The following GNAL variants were observed in gnomAD, a reference collection of about 807,000 sequenced individuals.
The protein encoded by GNAL is G protein subunit alpha L.
GNAL carries 18 observed loss-of-function variants against 55.1 expected under a neutral mutation model. That is an observed-to-expected ratio of 0.33 (90% confidence interval 0.23 to 0.48). The LOEUF (loss-of-function observed/expected upper bound fraction) is 0.48, where lower values mean the gene tolerates loss of function less well. GNAL is among the 20% of genes least tolerant of loss of function. GNAL has a pLI of 0.99. For missense variants in GNAL, 412 were observed against 614.1 expected (o/e 0.67, Z 3.48); for synonymous variants, 253 against 237.0 (o/e 1.07, Z -0.62).
In GNAL at chr18:11,751,078, C is replaced by T. The variant is rs1156754761; in HGVS notation, c.377-1775C>T. Among the ~76,000 whole-genome samples, 1 of 152,100 alleles carries T rather than the reference C, an allele frequency of 6.6e-6. No homozygotes were observed. Among genetic ancestry groups the T allele is most frequent in the African/African-American group, 2.4e-5 (1 of 41,416 alleles). On this transcript the variant is annotated intron_variant, in intron 1 of 11. Transcript: ENST00000334049. This position sits in a 1 kb window ranked among gnomAD's most constrained non-coding sequence, Gnocchi z 4.5. The stretch of plus-strand genomic sequence containing the variant: ...GTAGGTTTCTTGGAAGGTGGAGGCA[C>T]TCGACGACAGAGCTGAGCAAAGGCA...
At position 11,868,678 on chromosome 18, in the gene GNAL, A is replaced by G; in HGVS notation, c.1031+15A>G. ...TGGAACAACAGGTGACAAAAATAGC[A>G]AATTCAGTCTTACCATTGGATTGCA... On this transcript the variant is annotated intron_variant, in intron 9 of 11. Transcript: ENST00000334049. This position sits in a 1 kb window ranked among gnomAD's most constrained non-coding sequence, Gnocchi z 4.0. The G allele has an allele frequency of 6.3e-7, 1 of 1,599,192 alleles. No individual in the cohort carries two copies. Among genetic ancestry groups the G allele is most frequent in the Non-Finnish European group, 8.5e-7 (1 of 1,174,474 alleles).
At chr18:11,692,753 CA>C (rs1294682694) in intron 1 of GNAL, among the ~76,000 whole-genome samples, 11 of 151,366 alleles carry the variant, frequency 7.3e-5, no homozygotes, top group African/African-American at 2.7e-4. Context: ...CCCATCTCTA[CA>C]AAAAAATACG....
chr18:11,869,558 C>T lies in GNAL; in HGVS notation c.1031+895C>T, dbSNP rs147374437. On this transcript the variant is annotated intron_variant, in intron 9 of 11. Transcript: ENST00000334049. Reference sequence around the variant, plus strand: ...TCCATATCTTCAGGTTCCACATCTGCGGATTCAACCAACCACAGATTGAAA... The same window carrying T: ...TCCATATCTTCAGGTTCCACATCTGTGGATTCAACCAACCACAGATTGAAA... Among the ~76,000 whole-genome samples the T allele has an allele frequency of 3.5e-3, 531 of 152,274 alleles. 5 individuals are homozygous for T. The highest frequency in any genetic ancestry group is 4.4e-3 in the Non-Finnish European group (299 of 68,026).
intron 4 of GNAL, among the ~76,000 whole-genome samples, chr18:11,797,979 T>C (rs1237126105): frequency 1.3e-5 from 2 of 152,212 alleles, no homozygotes; most frequent in Non-Finnish European, 2.9e-5. Context: ...ATGAACATTA[T>C]AACTTAAATG....
intron 4 of GNAL, among the ~76,000 whole-genome samples, chr18:11,768,946 T>C (rs1240675436): frequency 8.0e-6 from 1 of 125,402 alleles, no homozygotes. Flanking sequence ...TTATATATAT[T>C]ACTATATGTT....
chr18:11,761,686 G>A (rs549458285), intron 4 of GNAL, among the ~76,000 whole-genome samples: 19 of 152,232 alleles, frequency 1.2e-4, no homozygotes, highest in Middle Eastern at 3.4e-3. Flanking sequence ...GCCCAGTTTT[G>A]CTGCAAGTTC....
intron 1 of GNAL, among the ~76,000 whole-genome samples, chr18:11,721,409 G>T (rs1043493593): frequency 3.3e-5 from 5 of 152,110 alleles, no homozygotes; most frequent in Non-Finnish European, 7.4e-5. Flanking sequence ...CATCTTAGTG[G>T]ATTCCACTTA....
chr18:11,776,542 A>G (rs899435755), intron 4 of GNAL, among the ~76,000 whole-genome samples: 1 of 151,942 alleles, frequency 6.6e-6, no homozygotes, highest in African/African-American at 2.4e-5. Context: ...CCCCATCTCT[A>G]CAAAAAAATT....
At position 11,872,388 on chromosome 18, in the gene GNAL, T is replaced by C; in HGVS notation, c.1152T>C (p.Val384=). ...DYFPEYANYT[V]PEDATPDAGE... is the part of the protein sequence containing the mutation. ...TCCCAGAATATGCAAATTATACTGT[T>C]CCTGAAGACGGTAAGATTTCAAAAC... The change falls in exon 10 of 12, where the codon GTT becomes GTC. Residue 384 remains valine, a synonymous_variant. Transcript: ENST00000334049. 6 of 1,554,018 alleles carry C rather than the reference T, an allele frequency of 3.9e-6. No individual in the cohort carries two copies. The highest frequency in any genetic ancestry group is 5.2e-6 in the Non-Finnish European group (6 of 1,152,272).
intron 5 of GNAL, among the ~76,000 whole-genome samples, chr18:11,861,990 A>ACACACACACAC (rs1555615372): frequency 2.0e-5 from 3 of 146,776 alleles, no homozygotes; most frequent in Non-Finnish European, 4.5e-5. Flanking sequence ...ACACACACAC[A>ACACACACACAC]ACATCTGGAT....
intron 5 of GNAL, among the ~76,000 whole-genome samples, chr18:11,855,752 C>A (rs1309452735): frequency 6.6e-6 from 1 of 152,144 alleles, no homozygotes; most frequent in Non-Finnish European, 1.5e-5. Flanking sequence ...GCAGGCAGAT[C>A]ATCTGAGGTT....
In GNAL at chr18:11,753,848, C is replaced by T. The variant is rs1310051257; in HGVS notation, c.527C>T (p.Thr176Ile). Residue 176 changes from threonine to isoleucine, a missense_variant, in exon 4 of 12, where the codon ACT becomes ATT. Thr to Ile is a moderately conservative substitution (Grantham distance 89). Around this residue, in one of 5 missense-constraint regions of GNAL, gnomAD observed 47 missense variants for 82.7 expected, o/e 0.57. Transcript: ENST00000334049. ...TAGACAATTGTTTCAGCAATGAGTA[C>T]TATAATACCTCCAGTTCCGCTGGCC... Reference protein sequence around the residue: ...AIVTIVSAMSTIIPPVPLANP... With the variant: ...AIVTIVSAMSIIIPPVPLANP... 2 of 1,608,556 alleles carry T rather than the reference C, an allele frequency of 1.2e-6. No individual in the cohort carries two copies. Among genetic ancestry groups the T allele is most frequent in the Admixed American group, 1.7e-5 (1 of 60,010 alleles).
At chr18:11,825,057 T>A in intron 5 of GNAL, 42 bp downstream of exon 5, 1 of 1,001,720 alleles carries the variant, frequency 1.0e-6, no homozygotes, top group Non-Finnish European at 1.6e-6. Flanking sequence ...CTTTGAAGAA[T>A]ATGATTGCAT....
intron 10 of GNAL, 68 bp from the exon 11 acceptor site, chr18:11,876,553 T>C (rs2036536894): frequency 2.1e-6 from 2 of 943,412 alleles, no homozygotes; most frequent in Non-Finnish European, 1.8e-6. Flanking sequence ...AAATTCCTTC[T>C]GTGTTTTCGT....
At chr18:11,719,698 C>T (rs2032049287) in intron 1 of GNAL, among the ~76,000 whole-genome samples, 3 of 152,232 alleles carry the variant, frequency 2.0e-5, no homozygotes, top group Non-Finnish European at 4.4e-5. Flanking sequence ...ATTTGAGTGG[C>T]TGATGCCTCA....
At chr18:11,690,265 G>T (rs1480416731) in intron 1 of GNAL, among the ~76,000 whole-genome samples, 2 of 151,992 alleles carry the variant, frequency 1.3e-5, no homozygotes, top group Non-Finnish European at 2.9e-5. Flanking sequence ...CCTTCCACAG[G>T]GTCGAATCCC....
At chr18:11,839,975 G>A (rs2035578725) in intron 5 of GNAL, among the ~76,000 whole-genome samples, 1 of 152,146 alleles carries the variant, frequency 6.6e-6, no homozygotes, top group Non-Finnish European at 1.5e-5. Flanking sequence ...AAGGAAGAAA[G>A]TAAAACCTTT....
In GNAL at chr18:11,884,921, T is replaced by G. The variant is rs906263137; in HGVS notation, c.*3786T>G. ...TGGCTCACTGGGTTCCCATCAAATA[T>G]AGTGGGGGATCCATAACAGAGATTC... On this transcript the variant is annotated 3_prime_UTR_variant, in exon 12 of 12. Transcript: ENST00000334049. The G allele has an allele frequency of 1.9e-5, 24 of 1,283,592 alleles. No individual in the cohort carries two copies. The Admixed American group carries it at 3.0e-4, about 16-fold the overall frequency. 79.5% of individuals were successfully genotyped at this position (1,283,592 alleles called of 1,614,324 possible).
At chr18:11,827,578 A>T (rs2035279093) in intron 5 of GNAL, among the ~76,000 whole-genome samples, 1 of 152,080 alleles carries the variant, frequency 6.6e-6, no homozygotes, top group Non-Finnish European at 1.5e-5. Context: ...GTACACCTGC[A>T]CTCCAGCCTG....
Sources: allele counts gnomAD v4.1 joint callset (sites outside exome capture counted in the v4.1 genomes callset), GRCh38; gene constraint gnomAD v4.1.1; regional missense constraint gnomAD v4.1.1; non-coding constraint Gnocchi (gnomAD v3.1); transcripts MANE v1.5; gene names NCBI Gene and HGNC (gene_info 2026-07-23, HGNC 2026-07-21).